The following ZCCHC2 variants were observed in gnomAD, a reference collection of about 807,000 sequenced individuals.
ZCCHC2 encodes zinc finger CCHC-type containing 2, also known as zinc finger CCHC domain-containing protein 2.
In ZCCHC2, 39 loss-of-function variants were observed where a neutral mutation model predicts 103.6. That is an observed-to-expected ratio of 0.38 (90% CI 0.29 to 0.49). ZCCHC2 has a LOEUF of 0.49. Ranked by LOEUF, ZCCHC2 falls within the 20% of genes least tolerant of loss-of-function variation. ZCCHC2 has a pLI of 0.96. For synonymous variants in ZCCHC2, 687 were observed against 608.9 expected, an observed-to-expected ratio of 1.13 and a Z score of -1.89; for missense variants, 1,483 against 1,491.0, an observed-to-expected ratio of 0.99 and a Z score of 0.09.
chr18:62,533,885 A>AAT (rs1914804620), intron 1 of ZCCHC2, among the ~76,000 whole-genome samples: 2 of 151,864 alleles, frequency 1.3e-5, no homozygotes, highest in African/African-American at 4.8e-5. Context: ...AAAAAAAAAA[A>AAT]AAAAAAGACT....
In ZCCHC2 at chr18:62,523,454, A is replaced by C; in HGVS notation, c.30A>C (p.Pro10=). ...TGAGGATGAAGCTGCCGCTGAAGCC[A>C]ACGCACCCCGCGGAGCCGCCGCCCG... MLRMKLPLK[P]THPAEPPPEA... is the part of the protein sequence containing the mutation. The change falls in exon 1 of 14, where the codon CCA becomes CCC. Residue 10 remains proline, a synonymous_variant. Coordinates refer to ENST00000269499, the MANE Select transcript of ZCCHC2 (RefSeq NM_017742.6). 1 of 1,089,180 alleles carries C rather than the reference A, an allele frequency of 9.2e-7. No homozygotes were observed. Among genetic ancestry groups the C allele is most frequent in the African/African-American group, 1.8e-5 (1 of 55,980 alleles). 67.5% of individuals were successfully genotyped at this position (1,089,180 alleles called of 1,614,324 possible).
chr18:62,540,237 G>GT (rs1426410696), intron 2 of ZCCHC2, among the ~76,000 whole-genome samples: 1 of 152,186 alleles, frequency 6.6e-6, no homozygotes, highest in African/African-American at 2.4e-5. Flanking sequence ...GAATGAATGG[G>GT]TGGAAGGACA....
intron 1 of ZCCHC2, among the ~76,000 whole-genome samples, chr18:62,538,455 G>T (rs1034223472): frequency 1.3e-5 from 2 of 151,974 alleles, no homozygotes; most frequent in Admixed American, 6.6e-5. Context: ...AAAATATATG[G>T]TCTGGGTTAG....
intron 6 of ZCCHC2, 116 bp from the exon 7 acceptor site, chr18:62,558,571 G>A: frequency 1.7e-6 from 1 of 585,642 alleles, no homozygotes; most frequent in Non-Finnish European, 2.9e-6. Flanking sequence ...TAGTAGCCAT[G>A]TTTTCTTCAC....
intron 1 of ZCCHC2, among the ~76,000 whole-genome samples, chr18:62,535,178 C>T (rs1293560646): frequency 6.6e-6 from 1 of 152,206 alleles, no homozygotes; most frequent in Non-Finnish European, 1.5e-5. Flanking sequence ...ATGTGCGCTT[C>T]TCTAGATCCT....
At chr18:62,527,490 T>G (rs1568535345) in intron 1 of ZCCHC2, among the ~76,000 whole-genome samples, 1 of 152,226 alleles carries the variant, frequency 6.6e-6, no homozygotes, top group African/African-American at 2.4e-5. Context: ...GTTTTTACTT[T>G]TAAGAGTAAC....
chr18:62,572,069 G>C (rs1320373455), intron 12 of ZCCHC2, among the ~76,000 whole-genome samples: 1 of 152,074 alleles, frequency 6.6e-6, no homozygotes, highest in East Asian at 1.9e-4. Context: ...TAAATGAGAG[G>C]ATTTTTTTCG....
At chr18:62,557,802 G>A (rs1915959290) in intron 6 of ZCCHC2, among the ~76,000 whole-genome samples, 1 of 152,218 alleles carries the variant, frequency 6.6e-6, no homozygotes, top group Non-Finnish European at 1.5e-5. Context: ...TCATATATAA[G>A]TAATAAACTC....
intron 6 of ZCCHC2, among the ~76,000 whole-genome samples, chr18:62,556,690 G>GTTCTTCTCACTCTGCCTCTTTGTTTTC (rs1185771861): frequency 6.6e-6 from 1 of 152,092 alleles, no homozygotes; most frequent in Non-Finnish European, 1.5e-5. Context: ...TGTTAGCCCT[G>GTTCTTCTCACTCTGCCTCTTTGTTTTC]TTCTTCTCAC....
Position 62,574,943 on chromosome 18 carries a change from G to A in ZCCHC2, c.2862G>A (p.Gln954=), listed in dbSNP as rs753355346. The change falls in exon 13 of 14, where the codon CAG becomes CAA. Residue 954 remains glutamine (Q), a synonymous_variant. Transcript: ENST00000269499. ...CGAGCGCAGGTATCAGCCAGGCCCA[G>A]GCAACTGTTCCTCCTGCAGTTCCTA... ...QPASAGISQA[Q]ATVPPAVPTH... 1.2e-6 allele frequency: 2 copies of A among 1,613,862 alleles called. No individual in the cohort carries two copies. Among genetic ancestry groups the A allele is most frequent in the South Asian group, 1.1e-5 (1 of 91,086 alleles).
rs1464253123 is a variant in ZCCHC2, at chr18:62,575,377, A to T, written c.3296A>T (p.Gln1099Leu). 6.2e-7 allele frequency: 1 copy of T among 1,614,010 alleles called. No homozygotes were observed. The highest frequency in any genetic ancestry group is 8.5e-7 in the Non-Finnish European group (1 of 1,179,880). Residue 1099 changes from glutamine (Q) to leucine (L), a missense_variant, in exon 13 of 14, where the codon CAG becomes CTG. By Grantham distance (113) the Gln-to-Leu change is moderately radical (BLOSUM62 -2). Around this residue, in one of 3 missense-constraint regions of ZCCHC2, gnomAD observed 884 missense variants for 907.5 expected, o/e 0.97. Coordinates refer to ENST00000269499, the MANE Select transcript of ZCCHC2 (RefSeq NM_017742.6). ...VMGSQANYGM[Q>L]QMAGFGRFYP... ...GGGAGCCAAGCCAACTATGGCATGC[A>T]GCAGATGGCAGGATTTGGGAGATTC...
intron 1 of ZCCHC2, chr18:62,525,193 A>T (rs1048536598): frequency 2.6e-5 from 4 of 152,230 alleles, no homozygotes; most frequent in Non-Finnish European, 5.9e-5. Context: ...GCCCAAAAGA[A>T]TCACTTAAAC....
intron 1 of ZCCHC2, among the ~76,000 whole-genome samples, chr18:62,529,010 AT>A: frequency 6.6e-6 from 1 of 152,084 alleles, no homozygotes; most frequent in East Asian, 1.9e-4. Flanking sequence ...AAATATAAAA[AT>A]TAGCTGGGCG....
intron 11 of ZCCHC2, among the ~76,000 whole-genome samples, chr18:62,566,043 G>A (rs772579440): frequency 2.6e-5 from 4 of 152,082 alleles, no homozygotes; most frequent in Non-Finnish European, 4.4e-5. Context: ...TCAGGAGCTC[G>A]AGACCAGCCT....
Position 62,560,661 on chromosome 18 carries a change from T to A in ZCCHC2, c.1550+17T>A. On this transcript the variant is annotated intron_variant, in intron 8 of 13. Coordinates refer to ENST00000269499, the MANE Select transcript of ZCCHC2 (RefSeq NM_017742.6). ...CATTGTGAAGTAAGTATCCTCTTTC[T>A]AAAACAAAAAGTGCTTTGGTATGTT... 1 of 1,604,288 alleles carries A rather than the reference T, an allele frequency of 6.2e-7. No individual in the cohort carries two copies. The highest frequency in any genetic ancestry group is 8.5e-7 in the Non-Finnish European group (1 of 1,173,190).
chr18:62,536,966 T>C (rs1249713012), intron 1 of ZCCHC2, among the ~76,000 whole-genome samples: 1 of 152,202 alleles, frequency 6.6e-6, no homozygotes, highest in African/African-American at 2.4e-5. Flanking sequence ...AGTGTGATCA[T>C]TTCCATTTTT....
intron 13 of ZCCHC2, 135 bp from the exon 14 acceptor site, chr18:62,576,377 A>T: frequency 3.1e-6 from 2 of 653,206 alleles, no homozygotes; most frequent in Middle Eastern, 2.8e-4. Context: ...AAGTGAGCGG[A>T]TTGGCCATTT....
chr18:62,569,918 A>G lies in ZCCHC2; in HGVS notation c.1847-185A>G, dbSNP rs142695392. On this transcript the variant is annotated intron_variant, in intron 11 of 13. Coordinates refer to ENST00000269499, the MANE Select transcript of ZCCHC2 (RefSeq NM_017742.6). Reference sequence around the variant, plus strand: ...ACTTATTCTGTGCATTGTTTTAAGGATATATTTATTAAGTATTTTCTATTA... The same window carrying G: ...ACTTATTCTGTGCATTGTTTTAAGGGTATATTTATTAAGTATTTTCTATTA... Among the ~76,000 whole-genome samples the G allele has an allele frequency of 3.7e-4, 56 of 152,272 alleles. 1 individual carries two copies. In the Middle Eastern group the frequency reaches 0.017, roughly 46 times the overall value.
intron 1 of ZCCHC2, among the ~76,000 whole-genome samples, chr18:62,532,155 T>C (rs1411754963): frequency 6.6e-6 from 1 of 152,228 alleles, no homozygotes; most frequent in Non-Finnish European, 1.5e-5. Context: ...TTATGGTGTA[T>C]ATCTCATTGA....
Sources: gnomAD v4.1 joint callset for allele counts (sites outside exome capture counted in the v4.1 genomes callset) on GRCh38, gnomAD v4.1.1 for gene constraint, gnomAD v4.1.1 regional missense constraint, MANE v1.5 for transcripts, NCBI Gene and HGNC (gene_info 2026-07-23, HGNC 2026-07-21) for gene names.